The following SYCP1 variants were observed in gnomAD, a reference collection of about 807,000 sequenced individuals.
The protein encoded by SYCP1 is cancer/testis antigen 8.
A neutral mutation model predicts 153.1 loss-of-function variants in SYCP1; 64 were observed. The ratio of observed to expected loss-of-function variants is 0.42; its 90% CI spans 0.34 to 0.51. SYCP1 has a LOEUF of 0.51. Ranked by LOEUF, SYCP1 falls within the 20% of genes least tolerant of loss-of-function variation. SYCP1 has a pLI of 0.06. For synonymous variants in SYCP1, 384 were observed against 341.8 expected (o/e 1.12, Z -1.36); for missense variants, 997 against 1,049.0 (o/e 0.95, Z 0.68).
chr1:114,855,288 G>C, intron 1 of SYCP1, 153 bp from the exon 2 acceptor site: 1 of 390,312 alleles, frequency 2.6e-6, no homozygotes, highest in Non-Finnish European at 4.6e-6. Flanking sequence ...CGCGGTAAGC[G>C]ACGTTGTAGG....
Position 114,946,397 on chromosome 1 carries a change from A to T in SYCP1, c.2247+16A>T. Reference sequence around the variant, plus strand: ...AGCATCTTTGGTGAGATACAGAAAAAATTGCAGTAACGGCCAGTTTTCATA... The same window carrying T: ...AGCATCTTTGGTGAGATACAGAAAATATTGCAGTAACGGCCAGTTTTCATA... On this transcript the variant is annotated intron_variant, in intron 26 of 31. Coordinates refer to ENST00000369522, the MANE Select transcript of SYCP1 (RefSeq NM_003176.4). 1 of 1,529,368 alleles carries T rather than the reference A, an allele frequency of 6.5e-7. No homozygotes were observed. Among genetic ancestry groups the T allele is most frequent in the African/African-American group, 1.4e-5 (1 of 70,666 alleles). The allele number at this position is 1,529,368 out of a possible 1,614,324, so 94.7% of individuals were successfully genotyped here. A position where few individuals can be genotyped will look rare whatever the true frequency, so the allele number is the denominator to read the frequency against.
Position 114,903,111 on chromosome 1 carries a change from C to CG in SYCP1, c.1321-7284dup, listed in dbSNP as rs1247089545. 5.3e-5 allele frequency among the ~76,000 whole-genome samples: 8 copies of CG among 152,228 alleles called. No individual in the cohort carries two copies. In the East Asian group the frequency reaches 1.4e-3, roughly 26 times the overall value. ...CAGAGAATCGCTTGAGCCCGGGAGGCGGAGGTTGCAGTGAGCTGAGATTGA... is the reference window on the plus strand; with the variant it reads ...CAGAGAATCGCTTGAGCCCGGGAGGCGGGAGGTTGCAGTGAGCTGAGATTGA... On this transcript the variant is annotated intron_variant, in intron 16 of 31. Coordinates refer to ENST00000369522, the MANE Select transcript of SYCP1 (RefSeq NM_003176.4).
chr1:114,978,696 T>C lies in SYCP1; in HGVS notation c.2382+1080T>C, dbSNP rs1278158411. ...GACACTCAGAGTAGTTTGAGAACAGTTCATTATATTTTATTACACTTGAGT... is the reference window on the plus strand; with the variant it reads ...GACACTCAGAGTAGTTTGAGAACAGCTCATTATATTTTATTACACTTGAGT... On this transcript the variant is annotated intron_variant, in intron 28 of 31. Transcript: ENST00000369522. Among the ~76,000 whole-genome samples, 6 of 151,794 alleles carry C rather than the reference T, an allele frequency of 4.0e-5. No homozygotes were observed. The East Asian group carries it at 1.2e-3, about 29-fold the overall frequency.
intron 9 of SYCP1, 90 bp downstream of exon 9, chr1:114,874,654 A>T (rs1379581563): frequency 1.4e-6 from 1 of 732,336 alleles, no homozygotes; most frequent in African/African-American, 1.8e-5. Context: ...AACTATTCTT[A>T]CTAAAAAGAT....
At chr1:114,986,085 C>T (rs1216527860) in intron 30 of SYCP1, among the ~76,000 whole-genome samples, 1 of 151,880 alleles carries the variant, frequency 6.6e-6, no homozygotes, top group Non-Finnish European at 1.5e-5. Flanking sequence ...TATCATTTTA[C>T]ATAAACATCC....
chr1:114,976,637 A>G (rs931438448), intron 27 of SYCP1, among the ~76,000 whole-genome samples: 9 of 151,758 alleles, frequency 5.9e-5, no homozygotes, highest in African/African-American at 2.2e-4. Context: ...GCTTTGTCCT[A>G]AAAGACAGCA....
intron 28 of SYCP1, among the ~76,000 whole-genome samples, chr1:114,980,920 C>T (rs1673109821): frequency 6.6e-6 from 1 of 151,892 alleles, no homozygotes; most frequent in African/African-American, 2.4e-5. Flanking sequence ...TCCTGATCCT[C>T]TTCCTCCTCC....
At chr1:114,941,833 C>A (rs1557819455) in intron 23 of SYCP1, among the ~76,000 whole-genome samples, 1 of 151,988 alleles carries the variant, frequency 6.6e-6, no homozygotes, top group Non-Finnish European at 1.5e-5. Context: ...TTTTCATGAA[C>A]AAAATTATTA....
chr1:114,949,962 C>A (rs1670985740), intron 27 of SYCP1, among the ~76,000 whole-genome samples: 1 of 152,174 alleles, frequency 6.6e-6, no homozygotes, highest in South Asian at 2.1e-4. Flanking sequence ...CACACATGCA[C>A]ACACACAAAT....
intron 21 of SYCP1, 115 bp from the exon 22 acceptor site, chr1:114,926,163 C>A: frequency 1.4e-6 from 1 of 703,234 alleles, no homozygotes; most frequent in Non-Finnish European, 2.0e-6. Flanking sequence ...ATGGAATTAC[C>A]ATGATTTTGA....
intron 27 of SYCP1, among the ~76,000 whole-genome samples, chr1:114,955,933 GA>G (rs1354900240): frequency 6.6e-6 from 1 of 152,162 alleles, no homozygotes; most frequent in Admixed American, 6.5e-5. Context: ...GAGTCCGGGG[GA>G]ATCACACTAT....
chr1:114,983,764 CT>C (rs1171647400), intron 29 of SYCP1, among the ~76,000 whole-genome samples: 2 of 151,606 alleles, frequency 1.3e-5, no homozygotes, highest in Non-Finnish European at 2.9e-5. Flanking sequence ...GGCTGCAAGC[CT>C]TTGGTTAATT....
intron 25 of SYCP1, among the ~76,000 whole-genome samples, chr1:114,945,780 G>A (rs1469988578): frequency 1.7e-5 from 2 of 114,744 alleles, no homozygotes; most frequent in African/African-American, 5.4e-5. Flanking sequence ...TTTTTTTGAT[G>A]TAATAATTTT....
rs751745561 is a variant in SYCP1 at position 114,855,428 on chromosome 1, C to T, written c.-24-13C>T. 23 of 1,569,922 alleles carry T rather than the reference C, an allele frequency of 1.5e-5. No homozygotes were observed. In the African/African-American group the frequency reaches 2.7e-4, roughly 19 times the overall value. On this transcript the variant is annotated splice_polypyrimidine_tract_variant and intron_variant, in intron 1 of 31. Coordinates refer to ENST00000369522, the MANE Select transcript of SYCP1 (RefSeq NM_003176.4). The stretch of plus-strand genomic sequence containing the variant: ...AAAACTTTCCTTCCCCTCCCGCCCC[C>T]CCGGGGCAGTAGATATTTACAACCG...
At chr1:114,861,035 A>C (rs1034863472) in intron 8 of SYCP1, among the ~76,000 whole-genome samples, 6 of 152,128 alleles carry the variant, frequency 3.9e-5, no homozygotes, top group African/African-American at 1.4e-4. Flanking sequence ...TATTCTTGAT[A>C]TTTATAGTTA....
chr1:114,864,723 A>G (rs1228527381), intron 8 of SYCP1, among the ~76,000 whole-genome samples: 2 of 152,114 alleles, frequency 1.3e-5, no homozygotes, highest in Non-Finnish European at 2.9e-5. Context: ...CCTGGGCTCA[A>G]GTGATCTTCC....
chr1:114,943,519 C>CA (rs201424715), intron 23 of SYCP1, among the ~76,000 whole-genome samples: 3 of 150,964 alleles, frequency 2.0e-5, no homozygotes, highest in Non-Finnish European at 3.0e-5. Context: ...ATATGAAGTT[C>CA]AAAAAAAATC....
At chr1:114,911,005 C>A (rs1303743984) in intron 17 of SYCP1, among the ~76,000 whole-genome samples, 1 of 151,882 alleles carries the variant, frequency 6.6e-6, no homozygotes, top group Non-Finnish European at 1.5e-5. Flanking sequence ...TTTTATAGTG[C>A]TCATGTTATA....
At chr1:114,912,555 A>AG (rs1392514255) in intron 18 of SYCP1, among the ~76,000 whole-genome samples, 1 of 145,514 alleles carries the variant, frequency 6.9e-6, no homozygotes. Context: ...AGTTAAATTC[A>AG]GTTTTTTTTT....
Sources: allele counts gnomAD v4.1 joint callset (sites outside exome capture counted in the v4.1 genomes callset), GRCh38; gene constraint gnomAD v4.1.1; transcripts MANE v1.5; gene names NCBI Gene and HGNC (gene_info 2026-07-23, HGNC 2026-07-21).